The following ARHGEF28 variants were observed in gnomAD, a reference collection of about 807,000 sequenced individuals.
ARHGEF28 encodes the protein Rho guanine nucleotide exchange factor 28.
ARHGEF28 carries 152 observed loss-of-function variants against 206.6 expected under a neutral mutation model. That is an observed-to-expected ratio of 0.74 (90% confidence interval 0.64 to 0.84). The LOEUF is 0.84. Among genes scored for constraint, ARHGEF28 ranks in the 40% least tolerant of loss-of-function variants. ARHGEF28 has a pLI of 0.00. For synonymous variants in ARHGEF28, 763 were observed against 776.4 expected, an observed-to-expected ratio of 0.98 and a Z score of 0.29; for missense variants, 2,028 against 2,073.2, an observed-to-expected ratio of 0.98 and a Z score of 0.42.
At chr5:73,795,531 T>A in intron 9 of ARHGEF28, 140 bp downstream of exon 9, 1 of 715,606 alleles carries the variant, frequency 1.4e-6, no homozygotes, top group Non-Finnish European at 2.3e-6. Context: ...CCAGATAAAT[T>A]TTATTTGTAG....
chr5:73,851,284 A>G (rs1321682590), intron 13 of ARHGEF28, among the ~76,000 whole-genome samples: 1 of 152,146 alleles, frequency 6.6e-6, no homozygotes, highest in Non-Finnish European at 1.5e-5. Flanking sequence ...GGAAGCTCCC[A>G]TATGAGAGCT....
At chr5:73,848,886 A>G in intron 12 of ARHGEF28, 90 bp from the exon 13 acceptor site, 1 of 911,872 alleles carries the variant, frequency 1.1e-6, no homozygotes, top group South Asian at 1.6e-5. Flanking sequence ...TCTCTTTTCA[A>G]AGGTGCAAAT....
chr5:73,711,005 T>C (rs934193070), intron 2 of ARHGEF28, among the ~76,000 whole-genome samples: 2 of 152,200 alleles, frequency 1.3e-5, no homozygotes, highest in African/African-American at 4.8e-5. Flanking sequence ...CTGTCGGCCT[T>C]AACAAATTTT....
At chr5:73,795,801 A>G (rs983510509) in intron 9 of ARHGEF28, among the ~76,000 whole-genome samples, 2 of 152,118 alleles carry the variant, frequency 1.3e-5, no homozygotes, top group African/African-American at 4.8e-5. Flanking sequence ...CTCCAAGCTT[A>G]CCAAAATCCC....
intron 33 of ARHGEF28, chr5:73,909,093 T>G: frequency 4.6e-6 from 1 of 216,874 alleles, no homozygotes; most frequent in Non-Finnish European, 9.1e-6. Context: ...ATGTGCCGAG[T>G]TCGTATTCAG....
At chr5:73,658,309 A>G (rs1279771466) in intron 1 of ARHGEF28, among the ~76,000 whole-genome samples, 2 of 152,170 alleles carry the variant, frequency 1.3e-5, no homozygotes, top group Non-Finnish European at 2.9e-5. Flanking sequence ...TGATAGACTA[A>G]GAATTCCTGA....
At chr5:73,718,844 T>A (rs1229526854) in intron 2 of ARHGEF28, among the ~76,000 whole-genome samples, 1 of 152,168 alleles carries the variant, frequency 6.6e-6, no homozygotes. Context: ...TCTGGTCCCA[T>A]CCACACCGCA....
intron 22 of ARHGEF28, among the ~76,000 whole-genome samples, chr5:73,875,528 TC>T (rs1451171872): frequency 2.4e-4 from 33 of 140,422 alleles, no homozygotes; most frequent in Admixed American, 3.6e-4. Context: ...GCCTAGGTTT[TC>T]TTCTAGGGTT....
chr5:73,854,125 A>C (rs1225680461), intron 14 of ARHGEF28, among the ~76,000 whole-genome samples: 1 of 152,108 alleles, frequency 6.6e-6, no homozygotes, highest in Non-Finnish European at 1.5e-5. Flanking sequence ...TGTATCTAGT[A>C]GAGTGGATCT....
chr5:73,895,949 T>C (rs1761939168), intron 29 of ARHGEF28, among the ~76,000 whole-genome samples: 1 of 152,124 alleles, frequency 6.6e-6, no homozygotes, highest in South Asian at 2.1e-4. Context: ...GGCATAGAGG[T>C]CTGAAGTAGG....
chr5:73,802,918 G>C lies in ARHGEF28; in HGVS notation c.1024+7527G>C, dbSNP rs1755229414. ...TGTGTGTGTGTGTGTGTGTGTGTGT[G>C]TGTTGGTAGGCTTGTTTTATACTGA... is the stretch of plus-strand genomic sequence containing the variant. On this transcript the variant is annotated intron_variant, in intron 9 of 35. Transcript: ENST00000513042. Among the ~76,000 whole-genome samples, 3 of 148,246 alleles carry C rather than the reference G, an allele frequency of 2.0e-5. No individual in the cohort carries two copies. In the Admixed American group the frequency reaches 2.0e-4, roughly 10 times the overall value.
At chr5:73,672,262 T>C (rs6893542) in intron 1 of ARHGEF28, among the ~76,000 whole-genome samples, 147,988 of 152,284 alleles carry the variant, frequency 0.97, 71,937 homozygotes, top group East Asian at 1. Flanking sequence ...CGTTTGCTCT[T>C]TCTGGTTCAT....
intron 21 of ARHGEF28, 75 bp from the exon 22 acceptor site, chr5:73,872,924 G>A: frequency 6.5e-7 from 1 of 1,529,266 alleles, no homozygotes; most frequent in South Asian, 1.2e-5. Flanking sequence ...ATAGTGTTGA[G>A]TTACTAATTT....
chr5:73,869,403 G>A (rs948757543), intron 20 of ARHGEF28, among the ~76,000 whole-genome samples: 3 of 152,134 alleles, frequency 2.0e-5, no homozygotes, highest in South Asian at 2.1e-4. Flanking sequence ...ATAACGCGGG[G>A]CAGAAGAAAT....
At chr5:73,716,534 T>C (rs964937257) in intron 2 of ARHGEF28, among the ~76,000 whole-genome samples, 12 of 152,188 alleles carry the variant, frequency 7.9e-5, no homozygotes, top group Admixed American at 7.2e-4. Context: ...GATGACTCTG[T>C]GGCCCTAGGA....
At chr5:73,885,739 G>A in intron 24 of ARHGEF28, 111 bp from the exon 25 acceptor site, 1 of 1,166,990 alleles carries the variant, frequency 8.6e-7, no homozygotes, top group Non-Finnish European at 1.2e-6. Context: ...GATTTTTATT[G>A]TTTAGATGAT....
At position 73,858,202 on chromosome 5, in the gene ARHGEF28, A is replaced by C; in HGVS notation, c.2030A>C (p.Glu677Ala). The change falls in exon 16 of 36, where the codon GAG becomes GCG. Residue 677 changes from glutamate to alanine, a missense_variant. By Grantham distance (107) the Glu-to-Ala change is moderately radical. Coordinates refer to ENST00000513042, the MANE Select transcript of ARHGEF28 (RefSeq NM_001177693.2). ...TGTGATAAAACACTCCTGGGGAAAG[A>C]GTCACTGCAGTGTTCTAGTAAGTTC... Reference protein sequence around the residue: ...LVCDKTLLGKESLQCSNCNAN... With the variant: ...LVCDKTLLGKASLQCSNCNAN... 1 of 1,600,432 alleles carries C rather than the reference A, an allele frequency of 6.2e-7. No individual in the cohort carries two copies. The highest frequency in any genetic ancestry group is 8.5e-7 in the Non-Finnish European group (1 of 1,175,940).
At chr5:73,884,033 A>G (rs549878283) in intron 24 of ARHGEF28, 149 bp downstream of exon 24, 3 of 454,920 alleles carry the variant, frequency 6.6e-6, no homozygotes, top group South Asian at 1.6e-4. Flanking sequence ...AATTTGGATT[A>G]GTTTTTAGAA....
In ARHGEF28 at chr5:73,788,762, C is replaced by G. The variant is rs541451725; in HGVS notation, c.911-5640C>G. Among the ~76,000 whole-genome samples the G allele has an allele frequency of 2.0e-5, 3 of 152,146 alleles. No homozygotes were observed. The East Asian group carries it at 5.8e-4, about 29-fold the overall frequency. Reference sequence around the variant, plus strand: ...TACCAATATATTTATTGGAAATAATCCATATAAAAGTGGACTCATGCAGTT... The same window carrying G: ...TACCAATATATTTATTGGAAATAATGCATATAAAAGTGGACTCATGCAGTT... On this transcript the variant is annotated intron_variant, in intron 7 of 35. Coordinates refer to ENST00000513042, the MANE Select transcript of ARHGEF28 (RefSeq NM_001177693.2).
Sources: allele counts gnomAD v4.1 joint callset (sites outside exome capture counted in the v4.1 genomes callset), GRCh38; gene constraint gnomAD v4.1.1; transcripts MANE v1.5; gene names NCBI Gene and HGNC (gene_info 2026-07-23, HGNC 2026-07-21).